ADAM12: variants seen among roughly 807,000 people sequenced by gnomAD.
ADAM12 encodes the protein ADAM metallopeptidase domain 12.
Under a neutral mutation model 106.4 loss-of-function variants are expected in ADAM12, and 70 were observed. The observed-to-expected ratio is 0.66, with a 90% CI of 0.54 to 0.80. The LOEUF (loss-of-function observed/expected upper bound fraction) is 0.80. Ranked by LOEUF, ADAM12 falls within the 30% of genes least tolerant of loss-of-function variation. The pLI is 0.00. For synonymous variants in ADAM12, 420 were observed against 433.5 expected (o/e 0.97, Z 0.39); for missense variants, 1,010 against 1,171.9 (o/e 0.86, Z 2.02).
intron 3 of ADAM12, among the ~76,000 whole-genome samples, chr10:126,222,158 G>A (rs1043501500): frequency 2.6e-5 from 4 of 152,116 alleles, no homozygotes; most frequent in African/African-American, 9.7e-5. Flanking sequence ...TCAGTTACAG[G>A]GACTGCTCAT....
chr10:126,340,458 G>A (rs546633780), intron 1 of ADAM12, among the ~76,000 whole-genome samples: 14 of 152,286 alleles, frequency 9.2e-5, no homozygotes, highest in South Asian at 6.2e-4. Flanking sequence ...CAGAAGTTAA[G>A]TAACTTGCCC....
At chr10:126,179,126 AGTTTATTTC>A (rs1226935798) in intron 3 of ADAM12, among the ~76,000 whole-genome samples, 1 of 152,178 alleles carries the variant, frequency 6.6e-6, no homozygotes, top group African/African-American at 2.4e-5. Context: ...ACGTGACTGT[AGTTTATTTC>A]ATGAACAAAA....
At chr10:126,125,700 C>T (rs1234218489) in intron 5 of ADAM12, among the ~76,000 whole-genome samples, 2 of 151,818 alleles carry the variant, frequency 1.3e-5, no homozygotes, top group Non-Finnish European at 2.9e-5. Flanking sequence ...TGTTTAAGTC[C>T]TAATCTCTGG....
chr10:126,101,012 C>T lies in ADAM12; in HGVS notation c.911+60G>A, dbSNP rs527566434. On this transcript the variant is annotated intron_variant, in intron 9 of 22. Coordinates refer to ENST00000448723, the MANE Select transcript of ADAM12 (RefSeq NM_001288973.2). ...AGCTCCTGGGGCTGTGCAGGTGAAA[C>T]GAAGGGCTTCGCCGAGAGCACTCCT... The T allele has an allele frequency of 1.6e-4, 249 of 1,581,388 alleles. 1 individual carries two copies. Among genetic ancestry groups the T allele is most frequent in the Admixed American group, 5.8e-4 (34 of 58,504 alleles).
At chr10:126,306,602 T>G (rs1960855783) in intron 2 of ADAM12, among the ~76,000 whole-genome samples, 1 of 152,160 alleles carries the variant, frequency 6.6e-6, no homozygotes, top group South Asian at 2.1e-4. Flanking sequence ...TTTTTAAATA[T>G]CTTTATTTTT....
intron 11 of ADAM12, among the ~76,000 whole-genome samples, chr10:126,074,562 T>C (rs57602823): frequency 0.016 from 2,448 of 152,304 alleles, 77 homozygotes; most frequent in African/African-American, 0.055. Flanking sequence ...TGTGTCTGCA[T>C]TGGGTGTTGT....
rs753215215 is a variant in ADAM12 at position 126,166,700 on chromosome 10, TA to T, written c.261-11396del. Among the ~76,000 whole-genome samples, 28 of 152,238 alleles carry T rather than the reference TA, an allele frequency of 1.8e-4. 1 individual carries two copies. The highest frequency in any genetic ancestry group is 3.4e-3 in the Middle Eastern group (1 of 292). The stretch of plus-strand genomic sequence containing the variant: ...TTTTAGTAGAGATGGGGTTTCACCA[TA>T]TTGGCCAGGATGGTCTCCATCTCTT... On this transcript the variant is annotated intron_variant, in intron 3 of 22. Coordinates refer to ENST00000448723, the MANE Select transcript of ADAM12 (RefSeq NM_001288973.2).
Position 126,014,328 on chromosome 10 carries a change from T to TA in ADAM12, c.*2950_*2951insT. The TA allele has an allele frequency of 6.7e-6, 1 of 148,198 alleles. No homozygotes were observed. The highest frequency in any genetic ancestry group is 2.5e-5 in the African/African-American group (1 of 40,062). The allele number at this position is 148,198 out of a possible 1,614,324, so 9.2% of individuals were successfully genotyped here. A position where few individuals can be genotyped will look rare whatever the true frequency, so the allele number is the denominator to read the frequency against. On this transcript the variant is annotated 3_prime_UTR_variant, in exon 23 of 23. Coordinates refer to ENST00000448723, the MANE Select transcript of ADAM12 (RefSeq NM_001288973.2). ...GTTTTAGCCGGTTTTTTTTTTTTTT[T>TA]TTTTTTTTTGAGGATGCATTGATGT... is the stretch of plus-strand genomic sequence containing the variant.
At chr10:126,387,606 C>A (rs561673227) in intron 1 of ADAM12, among the ~76,000 whole-genome samples, 2 of 151,912 alleles carry the variant, frequency 1.3e-5, no homozygotes, top group African/African-American at 2.4e-5. Flanking sequence ...TGCGCGCCCC[C>A]CTAAGTGTGT....
chr10:126,240,652 T>G (rs1958504299), intron 3 of ADAM12, among the ~76,000 whole-genome samples: 1 of 152,186 alleles, frequency 6.6e-6, no homozygotes, highest in Non-Finnish European at 1.5e-5. Context: ...AGGCAGAGAC[T>G]TCCAGGCAGA....
intron 12 of ADAM12, among the ~76,000 whole-genome samples, chr10:126,068,984 C>T (rs548084219): frequency 2.0e-5 from 3 of 152,254 alleles, no homozygotes; most frequent in African/African-American, 7.2e-5. Flanking sequence ...TGGGTGCTGG[C>T]AGTTGTTTTT....
chr10:126,267,904 C>T (rs565246223), intron 3 of ADAM12, among the ~76,000 whole-genome samples: 1 of 152,244 alleles, frequency 6.6e-6, no homozygotes, highest in East Asian at 1.9e-4. Flanking sequence ...GGGAGGGAGA[C>T]CTTTTGTTAG....
chr10:126,065,494 G>A (rs1426246799), intron 13 of ADAM12, among the ~76,000 whole-genome samples: 1 of 152,156 alleles, frequency 6.6e-6, no homozygotes, highest in South Asian at 2.1e-4. Flanking sequence ...TCATAGAACT[G>A]GAACTCTCTC....
chr10:126,166,995 A>C (rs1957036767), intron 3 of ADAM12, among the ~76,000 whole-genome samples: 1 of 152,218 alleles, frequency 6.6e-6, no homozygotes, highest in African/African-American at 2.4e-5. Context: ...CTTACGTTGC[A>C]TTCTTCAAAC....
At chr10:126,357,698 C>T (rs61863899) in intron 1 of ADAM12, among the ~76,000 whole-genome samples, 24,612 of 152,004 alleles carry the variant, frequency 0.16, 2,238 homozygotes, top group Middle Eastern at 0.28. Flanking sequence ...CCGAGCAAAA[C>T]GGGGAAAAGA....
chr10:126,062,622 G>T (rs956482846), intron 14 of ADAM12, among the ~76,000 whole-genome samples: 1 of 152,166 alleles, frequency 6.6e-6, no homozygotes, highest in Non-Finnish European at 1.5e-5. Context: ...TGAATCAGAG[G>T]CACACAGCCA....
chr10:126,319,666 G>A (rs141105424), intron 2 of ADAM12, among the ~76,000 whole-genome samples: 1 of 152,120 alleles, frequency 6.6e-6, no homozygotes, highest in Non-Finnish European at 1.5e-5. Flanking sequence ...CGAACATTGA[G>A]TCAAAGCTAA....
At chr10:126,335,215 A>G (rs1334400681) in intron 1 of ADAM12, among the ~76,000 whole-genome samples, 1 of 152,228 alleles carries the variant, frequency 6.6e-6, no homozygotes, top group Non-Finnish European at 1.5e-5. Flanking sequence ...TAAGCCACCC[A>G]GTGGGCCATT....
rs143961408 is a variant in ADAM12, at chr10:126,316,034, G to GC, written c.186+14377dup. Among the ~76,000 whole-genome samples, 134 of 152,258 alleles carry GC rather than the reference G, an allele frequency of 8.8e-4. 2 individuals carry two copies. The highest frequency in any genetic ancestry group is 3.0e-3 in the African/African-American group (125 of 41,546). ...GAATAGGCACGACCAGAGATTATAT[G>GC]CCCCCGTGGTCTTGTTTTGAACTAC... On this transcript the variant is annotated intron_variant, in intron 2 of 22. Transcript: ENST00000448723.
Sources: allele counts gnomAD v4.1 joint callset (sites outside exome capture counted in the v4.1 genomes callset), GRCh38; gene constraint gnomAD v4.1.1; transcripts MANE v1.5; gene names NCBI Gene and HGNC (gene_info 2026-07-23, HGNC 2026-07-21).